Variants in CAMKMT observed in about 807,000 individuals in gnomAD.
The protein encoded by CAMKMT is CaM KMT.
CAMKMT carries 53 observed loss-of-function variants against 48.0 expected under a neutral mutation model. That is an observed-to-expected ratio of 1.10 (90% CI 0.89 to 1.39). CAMKMT has a LOEUF of 1.39. Ranked by LOEUF, CAMKMT falls within the 40% of genes most tolerant of loss-of-function variation. The pLI is 0.00. For synonymous variants in CAMKMT, 165 were observed against 152.3 expected (o/e 1.08, Z -0.61); for missense variants, 428 against 402.7 (o/e 1.06, Z -0.54).
chr2:44,536,025 C>T (rs1666753076), intron 3 of CAMKMT, among the ~76,000 whole-genome samples: 1 of 152,086 alleles, frequency 6.6e-6, no homozygotes, highest in African/African-American at 2.4e-5. Flanking sequence ...TTGCAGGATA[C>T]AAAATCAACA....
At chr2:44,535,452 C>T (rs1380916482) in intron 3 of CAMKMT, among the ~76,000 whole-genome samples, 1 of 152,128 alleles carries the variant, frequency 6.6e-6, no homozygotes, top group African/African-American at 2.4e-5. Context: ...AAACTACAGG[C>T]CAATATTTCT....
chr2:44,514,638 G>A (rs528727565), intron 3 of CAMKMT, among the ~76,000 whole-genome samples: 2 of 152,332 alleles, frequency 1.3e-5, no homozygotes, highest in Admixed American at 6.5e-5. Flanking sequence ...AATGCCCTGA[G>A]AGCAGGGACC....
At chr2:44,582,840 A>C (rs1284068174) in intron 3 of CAMKMT, among the ~76,000 whole-genome samples, 1 of 152,182 alleles carries the variant, frequency 6.6e-6, no homozygotes, top group Non-Finnish European at 1.5e-5. Flanking sequence ...TTGCTTACCT[A>C]AGCAGGGGAA....
chr2:44,393,746 T>G (rs1475530242), intron 3 of CAMKMT, among the ~76,000 whole-genome samples: 1 of 152,166 alleles, frequency 6.6e-6, no homozygotes, highest in Non-Finnish European at 1.5e-5. Context: ...CTCAGATACC[T>G]TGGGTAACAA....
chr2:44,370,991 A>T (rs552204684), intron 1 of CAMKMT, among the ~76,000 whole-genome samples: 1 of 152,092 alleles, frequency 6.6e-6, no homozygotes, highest in South Asian at 2.1e-4. Context: ...TTTTTATTTT[A>T]AAATTTTTTT....
At chr2:44,559,783 A>G (rs548621508) in intron 3 of CAMKMT, among the ~76,000 whole-genome samples, 15 of 152,332 alleles carry the variant, frequency 9.8e-5, no homozygotes, top group African/African-American at 3.6e-4. Context: ...AAAGCATTTT[A>G]TGACTATTCA....
chr2:44,482,366 C>A (rs1417656244), intron 3 of CAMKMT, among the ~76,000 whole-genome samples: 1 of 152,042 alleles, frequency 6.6e-6, no homozygotes, highest in African/African-American at 2.4e-5. Context: ...CAATTACTTC[C>A]AAAAATTCTT....
intron 3 of CAMKMT, among the ~76,000 whole-genome samples, chr2:44,544,982 G>A (rs1667316464): frequency 6.6e-6 from 1 of 152,010 alleles, no homozygotes; most frequent in Non-Finnish European, 1.5e-5. Context: ...TTACTTTTTA[G>A]ATAAAAGCTA....
chr2:44,516,190 C>A (rs773009462), intron 3 of CAMKMT, among the ~76,000 whole-genome samples: 1 of 152,182 alleles, frequency 6.6e-6, no homozygotes, highest in Non-Finnish European at 1.5e-5. Flanking sequence ...CTTAAAATTT[C>A]TTTCACAGTT....
At chr2:44,419,448 C>T (rs1183363853) in intron 3 of CAMKMT, among the ~76,000 whole-genome samples, 1 of 152,170 alleles carries the variant, frequency 6.6e-6, no homozygotes, top group Non-Finnish European at 1.5e-5. Flanking sequence ...CTCCTATTCC[C>T]CCATCTGGAA....
intron 3 of CAMKMT, among the ~76,000 whole-genome samples, chr2:44,625,799 T>C (rs1672449725): frequency 6.6e-6 from 1 of 152,158 alleles, no homozygotes; most frequent in African/African-American, 2.4e-5. Flanking sequence ...CTTTTACATA[T>C]TGTTGAAAAT....
chr2:44,362,488 T>C (rs1471044119), intron 1 of CAMKMT, among the ~76,000 whole-genome samples: 2 of 152,114 alleles, frequency 1.3e-5, no homozygotes, highest in Non-Finnish European at 2.9e-5. Context: ...CTTTTCCTGC[T>C]TCTGTTTTGC....
chr2:44,506,742 C>A (rs1481181479), intron 3 of CAMKMT, among the ~76,000 whole-genome samples: 2 of 152,126 alleles, frequency 1.3e-5, no homozygotes, highest in East Asian at 1.9e-4. Context: ...AATTGGATTT[C>A]TGTAATAAGT....
intron 3 of CAMKMT, among the ~76,000 whole-genome samples, chr2:44,575,218 A>G (rs34975090): frequency 0.6 from 91,344 of 151,778 alleles, 28,226 homozygotes; most frequent in Middle Eastern, 0.69. Context: ...AGCTGGAATT[A>G]CAGGCACATA....
intron 7 of CAMKMT, among the ~76,000 whole-genome samples, chr2:44,741,524 C>G (rs1399836505): frequency 6.6e-6 from 1 of 152,204 alleles, no homozygotes; most frequent in African/African-American, 2.4e-5. Flanking sequence ...AAATAATTGC[C>G]TAAACTCATA....
chr2:44,660,038 A>G (rs1011766328), intron 3 of CAMKMT, among the ~76,000 whole-genome samples: 3 of 152,236 alleles, frequency 2.0e-5, no homozygotes, highest in African/African-American at 7.2e-5. Context: ...AATTTTAAAA[A>G]TATTTACAAA....
rs1358967992 is a variant in CAMKMT at position 44,508,228 on chromosome 2, G to A, written c.376+117923G>A. Among the ~76,000 whole-genome samples, 3 of 152,180 alleles carry A rather than the reference G, an allele frequency of 2.0e-5. No homozygotes were observed. In the East Asian group the frequency reaches 5.8e-4, roughly 29 times the overall value. On this transcript the variant is annotated intron_variant, in intron 3 of 10. Transcript: ENST00000378494. Reference sequence around the variant, plus strand: ...TCTAGATCCTAGGGAGAATCACAGTGCCTTATTCAGCATCAACACATGAGA... The same window carrying A: ...TCTAGATCCTAGGGAGAATCACAGTACCTTATTCAGCATCAACACATGAGA...
intron 3 of CAMKMT, chr2:44,457,396 T>A (rs1291145689): frequency 1.3e-5 from 2 of 150,250 alleles, no homozygotes; most frequent in African/African-American, 5.0e-5. Context: ...TTATTTTCTT[T>A]CTCTCTTTTT....
intron 1 of CAMKMT, among the ~76,000 whole-genome samples, chr2:44,369,450 A>G (rs557392041): frequency 1.3e-5 from 2 of 152,296 alleles, no homozygotes; most frequent in Admixed American, 6.5e-5. Flanking sequence ...CACTCTAGCT[A>G]CTTTAAGCAG....
Sources: allele counts gnomAD v4.1 joint callset (sites outside exome capture counted in the v4.1 genomes callset), GRCh38; gene constraint gnomAD v4.1.1; transcripts MANE v1.5; gene names NCBI Gene and HGNC (gene_info 2026-07-23, HGNC 2026-07-21).